The following GAB2 variants were observed in gnomAD, a reference collection of about 807,000 sequenced individuals.
GAB2 encodes GRB2-associated-binding protein 2.
GAB2 carries 26 observed loss-of-function variants against 65.5 expected under a neutral mutation model. The observed-to-expected ratio is 0.40, with a 90% CI of 0.29 to 0.55. The LOEUF (loss-of-function observed/expected upper bound fraction) is 0.55, where lower values mean the gene tolerates loss of function less well. GAB2 is among the 20% of genes least tolerant of loss of function. GAB2 has a pLI of 0.53. For missense variants in GAB2, 884 were observed against 875.8 expected (o/e 1.01, Z -0.12); for synonymous variants, 321 against 329.6 (o/e 0.97, Z 0.28).
Position 78,226,619 on chromosome 11 carries a change from G to GGGGGGGGGGGGGGGGGCC in GAB2, c.1052_1053insGGCCCCCCCCCCCCCCCC (p.Pro351_Pro352insAlaProProProProPro). ...GACTTGGCTTGGGGGGGCGGGGTGG[G>GGGGGGGGGGGGGGGGGCC]GGAGCTATGGCTGAGTCCCCAGGAG... On this transcript the variant is annotated inframe_insertion, in exon 4 of 10. Transcript: ENST00000361507. 1.1e-6 allele frequency: 1 copy of GGGGGGGGGGGGGGGGGCC among 952,210 alleles called. No homozygotes were observed. The highest frequency in any genetic ancestry group is 1.6e-6 in the Non-Finnish European group (1 of 620,392). The allele number at this position is 952,210 out of a possible 1,614,324, so 59.0% of individuals were successfully genotyped here.
intron 1 of GAB2, among the ~76,000 whole-genome samples, chr11:78,383,213 A>G (rs1042227989): frequency 6.6e-6 from 1 of 152,202 alleles, no homozygotes; most frequent in Non-Finnish European, 1.5e-5. Context: ...CAGAGGTTGC[A>G]GTGAGCTGAG....
chr11:78,276,910 C>T (rs1357443517), intron 2 of GAB2, among the ~76,000 whole-genome samples: 1 of 152,208 alleles, frequency 6.6e-6, no homozygotes, highest in East Asian at 1.9e-4. Flanking sequence ...CTCCGCCTCC[C>T]AGGTTCACGC....
chr11:78,327,446 A>C (rs1323525593), intron 1 of GAB2, among the ~76,000 whole-genome samples: 1 of 152,234 alleles, frequency 6.6e-6, no homozygotes, highest in East Asian at 1.9e-4. Context: ...ATATTCCCAG[A>C]AACAGATTTT....
At chr11:78,414,323 T>C (rs1857166598) in intron 1 of GAB2, among the ~76,000 whole-genome samples, 1 of 152,162 alleles carries the variant, frequency 6.6e-6, no homozygotes, top group African/African-American at 2.4e-5. Context: ...ATTTAATAAG[T>C]ATATTTAATA....
At chr11:78,298,602 T>C (rs1488982729) in intron 1 of GAB2, among the ~76,000 whole-genome samples, 1 of 152,188 alleles carries the variant, frequency 6.6e-6, no homozygotes, top group Non-Finnish European at 1.5e-5. Context: ...ATTAGGGGAA[T>C]TACCTCTCCC....
chr11:78,341,139 T>A (rs1703271199), intron 1 of GAB2, among the ~76,000 whole-genome samples: 2 of 152,252 alleles, frequency 1.3e-5, no homozygotes, highest in South Asian at 4.1e-4. Context: ...CTGTACCCCA[T>A]GACTTTATTC....
intron 2 of GAB2, among the ~76,000 whole-genome samples, chr11:78,266,475 T>C (rs978260360): frequency 6.6e-6 from 1 of 152,138 alleles, no homozygotes; most frequent in Admixed American, 6.5e-5. Flanking sequence ...GAAAATCCCA[T>C]ATTGACCAGG....
In GAB2 at chr11:78,226,603, T is replaced by TGGGTTG; in HGVS notation, c.1068_1069insCAACCC (p.Pro356_Lys357insGlnPro). On this transcript the variant is annotated inframe_insertion, in exon 4 of 10. Transcript: ENST00000361507. ...CGAGGTGTTTCTGCCTGACTTGGCT[T>TGGGTTG]GGGGGGGCGGGGTGGGGGAGCTATG... The TGGGTTG allele has an allele frequency of 3.9e-6, 1 of 257,718 alleles. No homozygotes were observed. Among genetic ancestry groups the TGGGTTG allele is most frequent in the Admixed American group, 5.1e-5 (1 of 19,682 alleles). 16.0% of individuals were successfully genotyped at this position (257,718 alleles called of 1,614,324 possible).
intron 1 of GAB2, among the ~76,000 whole-genome samples, chr11:78,379,092 G>T (rs1856667186): frequency 6.6e-6 from 1 of 152,152 alleles, no homozygotes. Context: ...AGGAAAATTG[G>T]AATCAAGTTA....
At position 78,216,457 on chromosome 11, in the gene GAB2, C is replaced by T. The variant is rs115057958; in HGVS notation, c.*2815G>A. On this transcript the variant is annotated 3_prime_UTR_variant, in exon 10 of 10. Coordinates refer to ENST00000361507, the MANE Select transcript of GAB2 (RefSeq NM_080491.3). ...GTAGTGGGTGGAGGGTGGGGATATG[C>T]TAGATACGGCTGGTAGTTTGGGGCC... 2,731 of 152,270 alleles carry T rather than the reference C, an allele frequency of 0.018. 88 individuals carry two copies. The highest frequency in any genetic ancestry group is 0.062 in the African/African-American group (2,594 of 41,542). The allele number at this position is 152,270 out of a possible 1,614,324, so 9.4% of individuals were successfully genotyped here.
At chr11:78,233,730 G>T (rs1055564596) in intron 3 of GAB2, among the ~76,000 whole-genome samples, 6 of 151,882 alleles carry the variant, frequency 4.0e-5, no homozygotes, top group Non-Finnish European at 7.4e-5. Flanking sequence ...CCTCAGCCTC[G>T]CCAGTAGCTG....
intron 1 of GAB2, among the ~76,000 whole-genome samples, chr11:78,399,736 G>T (rs1473926343): frequency 2.0e-5 from 3 of 152,172 alleles, no homozygotes; most frequent in African/African-American, 7.2e-5. Flanking sequence ...GTTAATAAAT[G>T]TAAGTCAACA....
intron 2 of GAB2, among the ~76,000 whole-genome samples, chr11:78,261,947 A>T (rs1865746702): frequency 6.6e-6 from 1 of 152,184 alleles, no homozygotes; most frequent in African/African-American, 2.4e-5. Flanking sequence ...ACATCACTGT[A>T]TTTTGAAGCT....
chr11:78,267,328 A>G (rs1865897678), intron 2 of GAB2, among the ~76,000 whole-genome samples: 1 of 152,218 alleles, frequency 6.6e-6, no homozygotes, highest in African/African-American at 2.4e-5. Flanking sequence ...TGAGTACAGA[A>G]GCAGAAGCTG....
chr11:78,273,797 A>G (rs535469112), intron 2 of GAB2, among the ~76,000 whole-genome samples: 2 of 152,296 alleles, frequency 1.3e-5, no homozygotes, highest in East Asian at 1.9e-4. Flanking sequence ...TGTTGGAAGG[A>G]CCTGCTGGGA....
intron 1 of GAB2, among the ~76,000 whole-genome samples, chr11:78,407,753 A>G: frequency 6.6e-6 from 1 of 151,470 alleles, no homozygotes; most frequent in East Asian, 1.9e-4. Context: ...AAAGAAAAAG[A>G]AAGAAAGAAA....
chr11:78,391,741 T>A (rs976114042), intron 1 of GAB2, among the ~76,000 whole-genome samples: 4 of 152,210 alleles, frequency 2.6e-5, no homozygotes, highest in Admixed American at 2.6e-4. Context: ...GCCTTCCCAG[T>A]TGGGGCCCCA....
intron 1 of GAB2, among the ~76,000 whole-genome samples, chr11:78,359,630 G>T (rs1856407211): frequency 6.6e-6 from 1 of 152,110 alleles, no homozygotes. Flanking sequence ...ACAAAGACGA[G>T]CACAGATATT....
chr11:78,250,062 T>C (rs1382215426), intron 3 of GAB2, 95 bp downstream of exon 3: 28 of 1,287,570 alleles, frequency 2.2e-5, no homozygotes, highest in Admixed American at 1.8e-5. Context: ...TGAAACGATA[T>C]AATGTTTTGC....
Sources: gnomAD v4.1 joint callset for allele counts (sites outside exome capture counted in the v4.1 genomes callset) on GRCh38, gnomAD v4.1.1 for gene constraint, MANE v1.5 for transcripts, NCBI Gene and HGNC (gene_info 2026-07-23, HGNC 2026-07-21) for gene names.